ZDHHC14: variants seen among roughly 807,000 people sequenced by gnomAD.
The protein encoded by ZDHHC14 is palmitoyltransferase ZDHHC14.
Under a neutral mutation model 47.7 loss-of-function variants are expected in ZDHHC14, and 16 were observed. The observed-to-expected ratio is 0.34, with a 90% CI of 0.23 to 0.51. ZDHHC14 has a LOEUF of 0.51. Among genes scored for constraint, ZDHHC14 ranks in the 20% least tolerant of loss-of-function variants. ZDHHC14 has a pLI of 0.97. For missense variants in ZDHHC14, 515 were observed against 662.5 expected, an observed-to-expected ratio of 0.78 and a Z score of 2.44; for synonymous variants, 293 against 278.9, an observed-to-expected ratio of 1.05 and a Z score of -0.50.
chr6:157,626,672 C>G (rs1785434918), intron 3 of ZDHHC14, among the ~76,000 whole-genome samples: 1 of 152,118 alleles, frequency 6.6e-6, no homozygotes, highest in African/African-American at 2.4e-5. Context: ...ATTGATACAT[C>G]ACTATCATGC....
In ZDHHC14 at chr6:157,496,147, T is replaced by C. The variant is rs941297651; in HGVS notation, c.246-46438T>C. Among the ~76,000 whole-genome samples the C allele has an allele frequency of 2.6e-5, 4 of 152,346 alleles. No individual in the cohort carries two copies. In the East Asian group the frequency reaches 7.7e-4, roughly 29 times the overall value. On this transcript the variant is annotated intron_variant, in intron 1 of 8. Transcript: ENST00000359775. ...ATTCTTCCTCTTGCCATATCCTTTC[T>C]TGGAGCCAAGAGTCACAAACCAGTA...
intron 1 of ZDHHC14, among the ~76,000 whole-genome samples, chr6:157,505,505 A>T (rs906927911): frequency 6.6e-6 from 1 of 152,226 alleles, no homozygotes; most frequent in Non-Finnish European, 1.5e-5. Flanking sequence ...GTTCTTAAGA[A>T]AATGTGACTG....
At chr6:157,669,422 T>C (rs992362869) in intron 8 of ZDHHC14, among the ~76,000 whole-genome samples, 17 of 152,114 alleles carry the variant, frequency 1.1e-4, no homozygotes, top group Non-Finnish European at 1.0e-4. Context: ...AGCCCACCTC[T>C]TCCCACAGGG....
intron 1 of ZDHHC14, among the ~76,000 whole-genome samples, chr6:157,515,501 G>GCCCAGGCT (rs1562456825): frequency 7.7e-6 from 1 of 129,174 alleles, no homozygotes; most frequent in African/African-American, 2.9e-5. Context: ...TTGCTCTGTC[G>GCCCAGGCT]CCCAGGCTGG....
At chr6:157,524,353 C>T (rs188656289) in intron 1 of ZDHHC14, among the ~76,000 whole-genome samples, 119 of 152,168 alleles carry the variant, frequency 7.8e-4, no homozygotes, top group Non-Finnish European at 1.0e-3. Flanking sequence ...AGGCTGGTCT[C>T]GAACTCCTGA....
At chr6:157,414,446 A>C (rs1777933601) in intron 1 of ZDHHC14, among the ~76,000 whole-genome samples, 1 of 152,172 alleles carries the variant, frequency 6.6e-6, no homozygotes, top group African/African-American at 2.4e-5. Context: ...CACCTTTAAA[A>C]TAAGGCCAAA....
In ZDHHC14 at chr6:157,501,712, C is replaced by T. The variant is rs186947899; in HGVS notation, c.246-40873C>T. Among the ~76,000 whole-genome samples the T allele has an allele frequency of 1.2e-4, 19 of 152,294 alleles. No homozygotes were observed. In the East Asian group the frequency reaches 3.7e-3, roughly 29 times the overall value. On this transcript the variant is annotated intron_variant, in intron 1 of 8. Coordinates refer to ENST00000359775, the MANE Select transcript of ZDHHC14 (RefSeq NM_024630.3). The stretch of plus-strand genomic sequence containing the variant: ...ATGCAAACAAAGGCCATGATTTTTG[C>T]ATTTTACTGGTTCATGGAGCTGGTA...
chr6:157,587,926 C>A (rs751171867), intron 2 of ZDHHC14, among the ~76,000 whole-genome samples: 1 of 152,108 alleles, frequency 6.6e-6, no homozygotes, highest in Non-Finnish European at 1.5e-5. Flanking sequence ...TTGAGACCAG[C>A]CTGAGCAACA....
At chr6:157,668,040 A>C (rs528274407) in intron 8 of ZDHHC14, among the ~76,000 whole-genome samples, 1 of 152,160 alleles carries the variant, frequency 6.6e-6, no homozygotes, top group South Asian at 2.1e-4. Flanking sequence ...GTGTGCCCCA[A>C]CTGAGATTTG....
At chr6:157,663,165 G>A (rs1175622977) in intron 8 of ZDHHC14, among the ~76,000 whole-genome samples, 2 of 152,236 alleles carry the variant, frequency 1.3e-5, no homozygotes, top group African/African-American at 4.8e-5. Flanking sequence ...GTTGCTTCTG[G>A]AAGAAGTCCT....
At chr6:157,573,713 T>C (rs1783188496) in intron 2 of ZDHHC14, among the ~76,000 whole-genome samples, 1 of 152,164 alleles carries the variant, frequency 6.6e-6, no homozygotes, top group African/African-American at 2.4e-5. Context: ...GCATGATGGG[T>C]TAATCCTTCC....
chr6:157,418,923 T>C (rs1353124517), intron 1 of ZDHHC14, among the ~76,000 whole-genome samples: 1 of 152,218 alleles, frequency 6.6e-6, no homozygotes, highest in East Asian at 1.9e-4. Flanking sequence ...TTTTAGCAAT[T>C]CAGTTATTAT....
At chr6:157,509,213 C>G (rs550680093) in intron 1 of ZDHHC14, among the ~76,000 whole-genome samples, 2 of 152,316 alleles carry the variant, frequency 1.3e-5, no homozygotes, top group East Asian at 3.9e-4. Flanking sequence ...TGTGAGTACC[C>G]TGGGCCCACC....
At chr6:157,480,001 T>A (rs1779584368) in intron 1 of ZDHHC14, among the ~76,000 whole-genome samples, 1 of 152,082 alleles carries the variant, frequency 6.6e-6, no homozygotes, top group Non-Finnish European at 1.5e-5. Flanking sequence ...GTAGGGGAGC[T>A]TGGTTTGCAG....
intron 2 of ZDHHC14, among the ~76,000 whole-genome samples, chr6:157,569,088 G>A (rs2114853764): frequency 6.6e-6 from 1 of 151,976 alleles, no homozygotes; most frequent in South Asian, 2.1e-4. Flanking sequence ...TGTGGTCAGA[G>A]TATCAATCTT....
chr6:157,548,995 A>T (rs1782103722), intron 2 of ZDHHC14, among the ~76,000 whole-genome samples: 1 of 152,168 alleles, frequency 6.6e-6, no homozygotes, highest in Non-Finnish European at 1.5e-5. Flanking sequence ...GTATCCTGTT[A>T]TACCTGTGAG....
intron 1 of ZDHHC14, among the ~76,000 whole-genome samples, chr6:157,446,160 T>G (rs899422192): frequency 6.6e-6 from 1 of 152,216 alleles, no homozygotes; most frequent in African/African-American, 2.4e-5. Flanking sequence ...TAAGGGACAA[T>G]TGGCATCTTT....
rs1203146056 is a variant in ZDHHC14, at chr6:157,623,533, A to C, written c.566-4816A>C. Among the ~76,000 whole-genome samples the C allele has an allele frequency of 3.4e-5, 5 of 148,628 alleles. No individual in the cohort carries two copies. In the South Asian group the frequency reaches 8.5e-4, roughly 25 times the overall value. ...CTTATAGCAGCATGAGAACAGACTC[A>C]TACATCTTTTTTTTTTTTTTTTTTT... On this transcript the variant is annotated intron_variant, in intron 3 of 8. Coordinates refer to ENST00000359775, the MANE Select transcript of ZDHHC14 (RefSeq NM_024630.3).
intron 1 of ZDHHC14, among the ~76,000 whole-genome samples, chr6:157,445,914 C>T (rs995429192): frequency 1.3e-5 from 2 of 152,190 alleles, no homozygotes; most frequent in African/African-American, 2.4e-5. Context: ...GCAAAGTCAT[C>T]GCTGGGGCCA....
Sources: gnomAD v4.1 joint callset for allele counts (sites outside exome capture counted in the v4.1 genomes callset) on GRCh38, gnomAD v4.1.1 for gene constraint, MANE v1.5 for transcripts, NCBI Gene and HGNC (gene_info 2026-07-23, HGNC 2026-07-21) for gene names.